The following NR2F1-AS1 variants were observed in gnomAD, a reference collection of about 807,000 sequenced individuals.
The protein encoded by NR2F1-AS1 is NR2F1 antisense RNA 1.
chr5:93,425,921 A>G (rs1303795109), intron 4 of NR2F1-AS1, among the ~76,000 whole-genome samples: 1 of 152,202 alleles, frequency 6.6e-6, no homozygotes. Context: ...TCAATAAATT[A>G]AATTAAATTT....
At chr5:93,487,370 C>A (rs1224977501) in intron 4 of NR2F1-AS1, among the ~76,000 whole-genome samples, 1 of 152,162 alleles carries the variant, frequency 6.6e-6, no homozygotes, top group Non-Finnish European at 1.5e-5. Context: ...CCCAGAATCT[C>A]CTCAAGCTGA....
chr5:93,567,936 T>C (rs530440029), intron 1 of NR2F1-AS1, among the ~76,000 whole-genome samples: 6 of 152,232 alleles, frequency 3.9e-5, no homozygotes, highest in Non-Finnish European at 8.8e-5. Context: ...AAATAAATAT[T>C]ACTTTGTCCA....
chr5:93,469,515 C>T (rs1265133940), intron 4 of NR2F1-AS1, among the ~76,000 whole-genome samples: 1 of 152,020 alleles, frequency 6.6e-6, no homozygotes, highest in Admixed American at 6.6e-5. Context: ...GAAAAACCAA[C>T]TAAAGCTCAG....
At chr5:93,574,054 A>T (rs1752838580) in intron 1 of NR2F1-AS1, among the ~76,000 whole-genome samples, 1 of 152,236 alleles carries the variant, frequency 6.6e-6, no homozygotes, top group African/African-American at 2.4e-5. Context: ...TTTCAGCTCC[A>T]TTGTCTGCAA....
intron 4 of NR2F1-AS1, among the ~76,000 whole-genome samples, chr5:93,471,991 C>T (rs74451651): frequency 0.017 from 2,509 of 151,882 alleles, 73 homozygotes; most frequent in African/African-American, 0.057. Flanking sequence ...GTAACAAGTA[C>T]AATCTAAACC....
chr5:93,509,000 C>T (rs1213535504), intron 4 of NR2F1-AS1, among the ~76,000 whole-genome samples: 2 of 152,086 alleles, frequency 1.3e-5, no homozygotes, highest in Non-Finnish European at 2.9e-5. Flanking sequence ...AGCACACACC[C>T]TAAAGAAACT....
intron 4 of NR2F1-AS1, among the ~76,000 whole-genome samples, chr5:93,477,354 T>C (rs992150886): frequency 6.6e-6 from 1 of 152,156 alleles, no homozygotes; most frequent in South Asian, 2.1e-4. Flanking sequence ...TGTTTCTTAG[T>C]AGATGATTAA....
At chr5:93,494,191 G>C (rs1446220419) in intron 4 of NR2F1-AS1, among the ~76,000 whole-genome samples, 1 of 152,084 alleles carries the variant, frequency 6.6e-6, no homozygotes, top group Admixed American at 6.6e-5. Context: ...ATGGGCAAAG[G>C]AGCTGAATAG....
chr5:93,558,534 C>T (rs1014781418), intron 2 of NR2F1-AS1, among the ~76,000 whole-genome samples: 3 of 152,080 alleles, frequency 2.0e-5, no homozygotes, highest in African/African-American at 7.2e-5. Flanking sequence ...GTGGGCCAGG[C>T]TGGTCTCAAA....
intron 1 of NR2F1-AS1, among the ~76,000 whole-genome samples, chr5:93,568,379 T>C (rs1561508897): frequency 6.6e-6 from 1 of 152,230 alleles, no homozygotes; most frequent in Non-Finnish European, 1.5e-5. Flanking sequence ...TAGAAAGTTA[T>C]GCACCTTACT....
chr5:93,549,184 T>G (rs1327162816), intron 4 of NR2F1-AS1, among the ~76,000 whole-genome samples: 2 of 152,164 alleles, frequency 1.3e-5, no homozygotes, highest in Admixed American at 1.3e-4. Flanking sequence ...CTTTAGATAA[T>G]TTTAAAGAGA....
At chr5:93,562,996 C>T (rs757622366) in intron 2 of NR2F1-AS1, among the ~76,000 whole-genome samples, 8 of 152,158 alleles carry the variant, frequency 5.3e-5, no homozygotes, top group South Asian at 4.1e-4. Flanking sequence ...AAATTCTACC[C>T]CTTGTATCCA....
At chr5:93,471,764 G>A (rs907750046) in intron 4 of NR2F1-AS1, among the ~76,000 whole-genome samples, 4 of 151,878 alleles carry the variant, frequency 2.6e-5, no homozygotes, top group African/African-American at 7.2e-5. Context: ...GTTGATGACT[G>A]TAATCAGCTG....
chr5:93,540,036 A>G lies in NR2F1-AS1; in HGVS notation n.638+13725T>C, dbSNP rs1254456712. ...AAAAAGCAAATCACTTGGCTCCTAGAATATGCCTCATGACCACAAGTGCAA... is the reference window on the plus strand; with the variant it reads ...AAAAAGCAAATCACTTGGCTCCTAGGATATGCCTCATGACCACAAGTGCAA... On this transcript the variant is annotated intron_variant and non_coding_transcript_variant, in intron 4 of 5. Transcript: ENST00000660523. Among the ~76,000 whole-genome samples, 4 of 152,204 alleles carry G rather than the reference A, an allele frequency of 2.6e-5. No homozygotes were observed. In the South Asian group the frequency reaches 8.3e-4, roughly 32 times the overall value.
chr5:93,449,121 C>T (rs1368263856), intron 4 of NR2F1-AS1, among the ~76,000 whole-genome samples: 1 of 151,976 alleles, frequency 6.6e-6, no homozygotes, highest in African/African-American at 2.4e-5. Flanking sequence ...ATTGTACACT[C>T]TAAAATACTA....
chr5:93,409,895 G>C (rs1251668319), intron 4 of NR2F1-AS1: 1 of 152,140 alleles, frequency 6.6e-6, no homozygotes, highest in African/African-American at 2.4e-5. Flanking sequence ...ACAGCACACA[G>C]TGCTATTGGC....
intron 4 of NR2F1-AS1, among the ~76,000 whole-genome samples, chr5:93,418,270 A>G (rs1013646732): frequency 2.6e-5 from 4 of 152,206 alleles, no homozygotes; most frequent in Non-Finnish European, 5.9e-5. Flanking sequence ...TTGGACACCC[A>G]GAGTGAACTA....
At chr5:93,443,238 C>T (rs1404100273) in intron 4 of NR2F1-AS1, among the ~76,000 whole-genome samples, 1 of 152,082 alleles carries the variant, frequency 6.6e-6, no homozygotes, top group East Asian at 1.9e-4. Context: ...GATCAGTAAT[C>T]ACAAACTTCT....
chr5:93,505,127 A>T (rs368227404), intron 4 of NR2F1-AS1, among the ~76,000 whole-genome samples: 2 of 152,120 alleles, frequency 1.3e-5, no homozygotes, highest in African/African-American at 2.4e-5. Flanking sequence ...TGGCCAAAAC[A>T]AAGTGGTTAC....
Sources: gnomAD v4.1 joint callset for allele counts (sites outside exome capture counted in the v4.1 genomes callset) on GRCh38, gnomAD v4.1.1 for gene constraint, MANE v1.5 for transcripts, NCBI Gene and HGNC (gene_info 2026-07-23, HGNC 2026-07-21) for gene names.